Variants in TRIM63 observed in about 807,000 individuals in gnomAD.
TRIM63 encodes tripartite motif containing 63, also known as E3 ubiquitin-protein ligase TRIM63.
A neutral mutation model predicts 46.0 loss-of-function variants in TRIM63; 48 were observed. The ratio of observed to expected loss-of-function variants is 1.04; its 90% CI spans 0.83 to 1.33. TRIM63 has a LOEUF of 1.33. TRIM63 is among the 40% of genes most tolerant of loss of function. TRIM63 has a pLI of 0.00. For missense variants in TRIM63, 455 were observed against 441.2 expected (o/e 1.03, Z -0.28); for synonymous variants, 175 against 162.8 (o/e 1.08, Z -0.57).
intron 8 of TRIM63, among the ~76,000 whole-genome samples, chr1:26,053,690 T>C (rs1244584116): frequency 1.3e-5 from 2 of 152,234 alleles, no homozygotes; most frequent in Non-Finnish European, 2.9e-5. Context: ...TGGGAGCATT[T>C]TATTATGAAT....
At position 26,061,277 on chromosome 1, in the gene TRIM63, G is replaced by C. The variant is rs377334933; in HGVS notation, c.390C>G (p.Ile130Met). The C allele has an allele frequency of 6.0e-5, 97 of 1,614,200 alleles. 1 individual carries two copies. In the Middle Eastern group the frequency reaches 2.6e-3, roughly 44 times the overall value. The change falls in exon 3 of 9, where the codon ATC becomes ATG. Residue 130 changes from isoleucine (I) to methionine (M), a missense_variant. Ile to Met is a conservative substitution (Grantham distance 10). Transcript: ENST00000374272. ...PMCKEHEDEK[I>M]NIYCLTCEVP... is the part of the protein sequence containing the mutation. ...CCTCACACGTGAGACAGTAGATGTT[G>C]ATTTTCTCATCTTCGTGCTCCTTGC... is the stretch of plus-strand genomic sequence containing the variant.
At position 26,061,130 on chromosome 1, in the gene TRIM63, G is replaced by A. The variant is rs372444332; in HGVS notation, c.501+36C>T. 874 of 1,604,696 alleles carry A rather than the reference G, an allele frequency of 5.4e-4. 1 individual carries two copies. The highest frequency in any genetic ancestry group is 8.1e-4 in the South Asian group (73 of 90,226). ...TGAATCATCAGGCCGTGCCCAGCAG[G>A]CCCAGGCTGGGGGTAAAAGTGGCTG... On this transcript the variant is annotated intron_variant, in intron 3 of 8. Coordinates refer to ENST00000374272, the MANE Select transcript of TRIM63 (RefSeq NM_032588.4).
chr1:26,055,193 T>A (rs2050560242), intron 7 of TRIM63, among the ~76,000 whole-genome samples: 1 of 152,180 alleles, frequency 6.6e-6, no homozygotes, highest in Non-Finnish European at 1.5e-5. Context: ...CAAATGGCCC[T>A]CAGTAGAATC....
Position 26,067,414 on chromosome 1 carries a change from C to T in TRIM63, c.81G>A (p.Leu27=), listed in dbSNP as rs935718114. 7 of 1,614,060 alleles carry T rather than the reference C, an allele frequency of 4.3e-6. No homozygotes were observed. In the African/African-American group the frequency reaches 6.7e-5, roughly 15 times the overall value. Residue 27 remains leucine, a synonymous_variant, in exon 1 of 9, where the codon CTG becomes CTA. Transcript: ENST00000374272. ...TGACCACTGGCTTGGTAAACATCTC[C>T]AGGCAGATAGGGCAGATCAGCTGCT... ...LEKQLICPIC[L]EMFTKPVVIL...
rs559755381 is a variant in TRIM63 at position 26,061,337 on chromosome 1, G to A, written c.333-3C>T. The A allele has an allele frequency of 2.5e-6, 4 of 1,613,696 alleles. No homozygotes were observed. The highest frequency in any genetic ancestry group is 3.3e-5 in the Admixed American group (2 of 59,998). ...GACTGCCCTTCTGCAGCGGCCGACT[G>A]CAGTGGAGAACAGTCACAAGTCATG... is the stretch of plus-strand genomic sequence containing the variant. On this transcript the variant is annotated splice_polypyrimidine_tract_variant and splice_region_variant and intron_variant, in intron 2 of 8. Coordinates refer to ENST00000374272, the MANE Select transcript of TRIM63 (RefSeq NM_032588.4).
In TRIM63 at chr1:26,058,435, A is replaced by C. The variant is rs753790739; in HGVS notation, c.786T>G (p.Thr262=). The change falls in exon 5 of 9, where the codon ACT becomes ACG. Residue 262 remains threonine (T), a synonymous_variant. Transcript: ENST00000374272. ...QLDKSTKLVE[T]AIQSLDEPGG... Reference sequence around the variant, plus strand: ...CAGGCTCGTCCAGGGACTGGATGGCAGTTTCCACCAGCTTTGTGGACTTGT... The same window carrying C: ...CAGGCTCGTCCAGGGACTGGATGGCCGTTTCCACCAGCTTTGTGGACTTGT... The C allele has an allele frequency of 6.2e-7, 1 of 1,614,116 alleles. No individual in the cohort carries two copies. The highest frequency in any genetic ancestry group is 1.1e-5 in the South Asian group (1 of 91,066).
Position 26,058,548 on chromosome 1 carries a change from T to C in TRIM63, c.673A>G (p.Ser225Gly), listed in dbSNP as rs756556548. 1.9e-6 allele frequency: 3 copies of C among 1,614,194 alleles called. No homozygotes were observed. The highest frequency in any genetic ancestry group is 2.5e-6 in the Non-Finnish European group (3 of 1,180,036). ...TGCGTGATCCGCTGCAGCAACTCAC[T>C]TTTCTTCTCATCCAGGATGGCATAC... is the stretch of plus-strand genomic sequence containing the variant. Reference protein sequence around the residue: ...TLYAILDEKKSELLQRITQEQ... With the variant: ...TLYAILDEKKGELLQRITQEQ... Residue 225 changes from serine (S) to glycine (G), a missense_variant, in exon 5 of 9, where the codon AGT (serine) becomes GGT (glycine). Transcript: ENST00000374272.
At chr1:26,062,550 C>T (rs1440967709) in intron 2 of TRIM63, among the ~76,000 whole-genome samples, 1 of 152,212 alleles carries the variant, frequency 6.6e-6, no homozygotes, top group African/African-American at 2.4e-5. Context: ...GTCATGGTGA[C>T]TGGTGAGTGG....
chr1:26,066,629 C>T (rs974586608), intron 1 of TRIM63, among the ~76,000 whole-genome samples, 189 bp from the exon 2 acceptor site: 1 of 152,136 alleles, frequency 6.6e-6, no homozygotes, highest in Non-Finnish European at 1.5e-5. Flanking sequence ...AAGCAATCGT[C>T]AGGATGGGGA....
At chr1:26,067,125 C>A in intron 1 of TRIM63, among the ~76,000 whole-genome samples, 1 of 151,906 alleles carries the variant, frequency 6.6e-6, no homozygotes, top group Non-Finnish European at 1.5e-5. Flanking sequence ...GTGGGCAGGG[C>A]AGGGAGGGGA....
intron 4 of TRIM63, 37 bp downstream of exon 4, chr1:26,060,229 C>G (rs769694659): frequency 6.3e-7 from 1 of 1,589,036 alleles, no homozygotes; most frequent in Non-Finnish European, 8.6e-7. Flanking sequence ...CCCTGGAAAG[C>G]TCCAAATCCC....
In TRIM63 at chr1:26,067,609, CT is replaced by C; in HGVS notation, c.-116del. 1.7e-6 allele frequency: 2 copies of C among 1,191,126 alleles called. No homozygotes were observed. Among genetic ancestry groups the C allele is most frequent in the African/African-American group, 1.5e-5 (1 of 65,212 alleles). The allele number at this position is 1,191,126 out of a possible 1,614,324, so 73.8% of individuals were successfully genotyped here. Reference sequence around the variant, plus strand: ...CACCGGGTCGGATCCTGTTGGCTTCCTTCTCCTGGTGCCCGAATTCTGTCTT... The same window carrying C: ...CACCGGGTCGGATCCTGTTGGCTTCCTCTCCTGGTGCCCGAATTCTGTCTT... On this transcript the variant is annotated 5_prime_UTR_variant, in exon 1 of 9. Transcript: ENST00000374272.
In TRIM63 at chr1:26,067,603, G is replaced by T. The variant is rs1460975427; in HGVS notation, c.-109C>A. 3 of 1,260,044 alleles carry T rather than the reference G, an allele frequency of 2.4e-6. No homozygotes were observed. Among genetic ancestry groups the T allele is most frequent in the Non-Finnish European group, 2.2e-6 (2 of 920,622 alleles). The allele number at this position is 1,260,044 out of a possible 1,614,324, so 78.1% of individuals were successfully genotyped here. A position where few individuals can be genotyped will look rare whatever the true frequency, so the allele number is the denominator to read the frequency against. On this transcript the variant is annotated 5_prime_UTR_variant, in exon 1 of 9. Transcript: ENST00000374272. ...ACAAAACACCGGGTCGGATCCTGTT[G>T]GCTTCCTTCTCCTGGTGCCCGAATT...
rs143233499 is a variant in TRIM63 at position 26,057,240 on chromosome 1, G to A, written c.942C>T (p.His314=). The change falls in exon 7 of 9, where the codon CAC becomes CAT. Residue 314 remains histidine (H), a synonymous_variant. Coordinates refer to ENST00000374272, the MANE Select transcript of TRIM63 (RefSeq NM_032588.4). ...CAATGGCTCTCAGGGCGTCTGCTAT[G>A]TGCTCTAAATCCAAAGTAAAGAAGT... The part of the protein sequence containing the change: ...NMDFFTLDLE[H]IADALRAIDF... The A allele has an allele frequency of 8.1e-6, 13 of 1,614,086 alleles. No homozygotes were observed. Among genetic ancestry groups the A allele is most frequent in the African/African-American group, 1.3e-5 (1 of 74,924 alleles).
chr1:26,060,380 G>T lies in TRIM63; in HGVS notation c.502-19C>A. On this transcript the variant is annotated intron_variant, in intron 3 of 8. Transcript: ENST00000374272. ...GTTCAGTCTAGATGGGGGTGTGGGG[G>T]TCAGGAGAGGAGAGACACAAATAGC... 1 of 1,602,476 alleles carries T rather than the reference G, an allele frequency of 6.2e-7. No individual in the cohort carries two copies. The highest frequency in any genetic ancestry group is 8.5e-7 in the Non-Finnish European group (1 of 1,169,758).
At chr1:26,060,647 A>G (rs1459998598) in intron 3 of TRIM63, among the ~76,000 whole-genome samples, 1 of 152,246 alleles carries the variant, frequency 6.6e-6, no homozygotes, top group Non-Finnish European at 1.5e-5. Flanking sequence ...GAAAGAAGGG[A>G]CAAAAAAAGA....
intron 2 of TRIM63, among the ~76,000 whole-genome samples, chr1:26,062,934 T>C (rs1022895970): frequency 2.0e-5 from 3 of 152,132 alleles, no homozygotes; most frequent in Admixed American, 6.5e-5. Context: ...TTTTGTATTT[T>C]TTAGTAGAGA....
intron 2 of TRIM63, among the ~76,000 whole-genome samples, chr1:26,062,391 A>C (rs991227461): frequency 6.6e-6 from 1 of 152,206 alleles, no homozygotes; most frequent in Admixed American, 6.5e-5. Flanking sequence ...TTTTTAAAAA[A>C]GAATATTCAC....
intron 2 of TRIM63, among the ~76,000 whole-genome samples, chr1:26,064,405 T>A (rs1353065656): frequency 6.6e-6 from 1 of 151,804 alleles, no homozygotes; most frequent in Non-Finnish European, 1.5e-5. Flanking sequence ...CCCTCTAGCC[T>A]GGGCAACAGA....
Sources: allele counts gnomAD v4.1 joint callset (sites outside exome capture counted in the v4.1 genomes callset), GRCh38; gene constraint gnomAD v4.1.1; transcripts MANE v1.5; gene names NCBI Gene and HGNC (gene_info 2026-07-23, HGNC 2026-07-21).